The following UBE2E2 variants were observed in gnomAD, a reference collection of about 807,000 sequenced individuals.
UBE2E2 encodes ubiquitin conjugating enzyme E2 E2.
In UBE2E2, 6 loss-of-function variants were observed where a neutral mutation model predicts 24.7. The observed-to-expected ratio is 0.24, with a 90% CI of 0.13 to 0.48. The LOEUF (loss-of-function observed/expected upper bound fraction) is 0.48, where lower values mean the gene tolerates loss of function less well. UBE2E2 is among the 20% of genes least tolerant of loss of function. UBE2E2 has a pLI of 0.99. For missense variants in UBE2E2, 169 were observed against 245.0 expected, an observed-to-expected ratio of 0.69 and a Z score of 2.07; for synonymous variants, 104 against 83.6, an observed-to-expected ratio of 1.24 and a Z score of -1.33.
intron 3 of UBE2E2, among the ~76,000 whole-genome samples, chr3:23,439,076 A>C (rs1290963301): frequency 6.6e-6 from 1 of 152,254 alleles, no homozygotes; most frequent in East Asian, 1.9e-4. Flanking sequence ...AGTAGAATGC[A>C]AAATTTGGAA....
At chr3:23,417,214 G>A (rs2125387302) in intron 3 of UBE2E2, among the ~76,000 whole-genome samples, 1 of 152,190 alleles carries the variant, frequency 6.6e-6, no homozygotes. Context: ...TTTGATGTTG[G>A]TGACCTTCAG....
intron 3 of UBE2E2, among the ~76,000 whole-genome samples, chr3:23,357,817 A>G (rs1328509468): frequency 6.6e-6 from 1 of 150,766 alleles, no homozygotes; most frequent in Non-Finnish European, 1.5e-5. Flanking sequence ...TGAAATTGGT[A>G]AATCTTCGAA....
At chr3:23,281,904 C>A (rs1698498786) in intron 3 of UBE2E2, among the ~76,000 whole-genome samples, 1 of 152,136 alleles carries the variant, frequency 6.6e-6, no homozygotes, top group African/African-American at 2.4e-5. Context: ...AATAAAACAT[C>A]AACTGCCATT....
At chr3:23,509,194 G>A (rs1575674818) in intron 4 of UBE2E2, among the ~76,000 whole-genome samples, 1 of 152,274 alleles carries the variant, frequency 6.6e-6, no homozygotes, top group East Asian at 1.9e-4. Flanking sequence ...CTTGTAAAGA[G>A]GAAAACCTTC....
At chr3:23,479,386 C>T (rs13316118) in intron 3 of UBE2E2, among the ~76,000 whole-genome samples, 30,777 of 152,084 alleles carry the variant, frequency 0.2, 3,109 homozygotes, top group Middle Eastern at 0.23. Context: ...TGCATCTGAA[C>T]GCAGTGGCAA....
intron 3 of UBE2E2, among the ~76,000 whole-genome samples, chr3:23,310,216 G>A (rs1347952258): frequency 6.6e-6 from 1 of 151,328 alleles, no homozygotes; most frequent in Non-Finnish European, 1.5e-5. Flanking sequence ...GTTTATTATT[G>A]TCTAACACTG....
At chr3:23,461,879 A>G (rs2125426095) in intron 3 of UBE2E2, among the ~76,000 whole-genome samples, 1 of 152,256 alleles carries the variant, frequency 6.6e-6, no homozygotes, top group Non-Finnish European at 1.5e-5. Context: ...TGTTACTTCA[A>G]GAGTAATATG....
chr3:23,461,125 C>A (rs1050279611), intron 3 of UBE2E2, among the ~76,000 whole-genome samples: 1 of 152,196 alleles, frequency 6.6e-6, no homozygotes, highest in Non-Finnish European at 1.5e-5. Flanking sequence ...AATTTACACA[C>A]CGTCCACCAT....
intron 3 of UBE2E2, among the ~76,000 whole-genome samples, chr3:23,425,915 T>C (rs1488938550): frequency 1.3e-5 from 2 of 152,120 alleles, no homozygotes; most frequent in Non-Finnish European, 2.9e-5. Context: ...CAGAACCAGA[T>C]TCAGATATGG....
intron 5 of UBE2E2, among the ~76,000 whole-genome samples, chr3:23,564,143 A>G (rs1234347272): frequency 6.6e-6 from 1 of 152,132 alleles, no homozygotes; most frequent in Non-Finnish European, 1.5e-5. Context: ...CCTGATTTAC[A>G]AGTAAAAATA....
At chr3:23,351,780 T>C (rs1156620896) in intron 3 of UBE2E2, among the ~76,000 whole-genome samples, 1 of 152,114 alleles carries the variant, frequency 6.6e-6, no homozygotes, top group Admixed American at 6.6e-5. Context: ...CACACAATAA[T>C]AATGGGAGAC....
intron 3 of UBE2E2, among the ~76,000 whole-genome samples, chr3:23,351,512 C>T (rs1003449803): frequency 1.3e-5 from 2 of 152,110 alleles, no homozygotes; most frequent in Non-Finnish European, 2.9e-5. Flanking sequence ...CAGACACACA[C>T]AGGCTCAAAA....
chr3:23,576,677 C>A (rs2125515902), intron 5 of UBE2E2, among the ~76,000 whole-genome samples: 2 of 152,246 alleles, frequency 1.3e-5, no homozygotes, highest in South Asian at 4.2e-4. Flanking sequence ...ATCCATCCAT[C>A]CATGCAGTAA....
At chr3:23,217,400 C>A in intron 3 of UBE2E2, 88 bp downstream of exon 3, 1 of 1,177,478 alleles carries the variant, frequency 8.5e-7, no homozygotes, top group South Asian at 1.3e-5. Context: ...TTGTTGTAGT[C>A]TGATTAATTA....
intron 3 of UBE2E2, among the ~76,000 whole-genome samples, chr3:23,231,703 G>A (rs1052403966): frequency 4.6e-5 from 7 of 152,164 alleles, no homozygotes; most frequent in African/African-American, 1.7e-4. Flanking sequence ...CTCTTGGAAC[G>A]TCTGACTGAC....
chr3:23,488,951 A>G (rs1699438673), intron 3 of UBE2E2, among the ~76,000 whole-genome samples: 1 of 152,208 alleles, frequency 6.6e-6, no homozygotes, highest in Admixed American at 6.5e-5. Context: ...AAAAGGTTGA[A>G]AAATATACTC....
At chr3:23,500,987 A>G (rs1210710542) in intron 4 of UBE2E2, among the ~76,000 whole-genome samples, 1 of 152,060 alleles carries the variant, frequency 6.6e-6, no homozygotes, top group African/African-American at 2.4e-5. Flanking sequence ...TGCATTTGGT[A>G]GGTTTTCAAT....
At chr3:23,255,273 TG>T (rs1697690354) in intron 3 of UBE2E2, among the ~76,000 whole-genome samples, 1 of 151,054 alleles carries the variant, frequency 6.6e-6, no homozygotes, top group African/African-American at 2.4e-5. Context: ...TTTTTTTTTT[TG>T]GTAACGATAG....
chr3:23,456,012 A>T (rs568323601), intron 3 of UBE2E2, among the ~76,000 whole-genome samples: 2 of 152,362 alleles, frequency 1.3e-5, no homozygotes, highest in South Asian at 2.1e-4. Context: ...CCACGGCTTT[A>T]TCAACTGATA....
Sources: gnomAD v4.1 joint callset for allele counts (sites outside exome capture counted in the v4.1 genomes callset) on GRCh38, gnomAD v4.1.1 for gene constraint, MANE v1.5 for transcripts, NCBI Gene and HGNC (gene_info 2026-07-23, HGNC 2026-07-21) for gene names.